PTGIS: variants seen among roughly 807,000 people sequenced by gnomAD.
PTGIS encodes the protein prostacyclin synthase.
Under a neutral mutation model 50.3 loss-of-function variants are expected in PTGIS, and 45 were observed. The observed-to-expected ratio is 0.90, with a 90% CI of 0.70 to 1.15. The LOEUF (loss-of-function observed/expected upper bound fraction) is 1.15. PTGIS is among the 50% of genes most tolerant of loss of function. The pLI, the probability that PTGIS is intolerant of heterozygous loss-of-function variation, is 0.00. For synonymous variants in PTGIS, 260 were observed against 267.7 expected (o/e 0.97, Z 0.28); for missense variants, 668 against 661.3 (o/e 1.01, Z -0.11).
Position 49,544,345 on chromosome 20 carries a change from C to T in PTGIS, c.481G>A (p.Glu161Lys), listed in dbSNP as rs767832954. 5.0e-6 allele frequency: 8 copies of T among 1,614,162 alleles called. No homozygotes were observed. The highest frequency in any genetic ancestry group is 3.3e-5 in the Admixed American group (2 of 60,012). Residue 161 changes from glutamate (E) to lysine (K), a missense_variant, in exon 4 of 10, where the codon GAG becomes AAG. Coordinates refer to ENST00000244043, the MANE Select transcript of PTGIS (RefSeq NM_000961.4). Reference sequence around the variant, plus strand: ...TAGGAGAAGTCGAGGAGACCCATCTCGTGCCAGCCACTGCCTGCTTCTGTA... The same window carrying T: ...TAGGAGAAGTCGAGGAGACCCATCTTGTGCCAGCCACTGCCTGCTTCTGTA... ...DATEAGSGWH[E>K]MGLLDFSYSF...
At chr20:49,521,851 C>T (rs1257845773) in intron 6 of PTGIS, among the ~76,000 whole-genome samples, 1 of 152,070 alleles carries the variant, frequency 6.6e-6, no homozygotes, top group Admixed American at 6.6e-5. Flanking sequence ...GGAAGGCTAC[C>T]ATCTTTCTCT....
rs766090255 is a variant in PTGIS at position 49,524,055 on chromosome 20, C to T, written c.855+3G>A. On this transcript the variant is annotated splice_donor_region_variant and intron_variant, in intron 6 of 9. Coordinates refer to ENST00000244043, the MANE Select transcript of PTGIS (RefSeq NM_000961.4). ...ACACACCCACTTGCACATTCACACC[C>T]ACCTGTGTGGCCCACAGCTGCAGCA... 8 of 1,614,240 alleles carry T rather than the reference C, an allele frequency of 5.0e-6. No individual in the cohort carries two copies. The highest frequency in any genetic ancestry group is 6.8e-6 in the Non-Finnish European group (8 of 1,180,052).
intron 4 of PTGIS, among the ~76,000 whole-genome samples, chr20:49,541,151 TCA>T (rs1982215639): frequency 6.6e-6 from 1 of 152,182 alleles, no homozygotes; most frequent in Admixed American, 6.5e-5. Flanking sequence ...TTGGGGAAAC[TCA>T]CACAAAATCC....
chr20:49,566,152 C>A (rs1436314411), intron 1 of PTGIS, among the ~76,000 whole-genome samples: 1 of 152,098 alleles, frequency 6.6e-6, no homozygotes, highest in African/African-American at 2.4e-5. Flanking sequence ...ATCACTTGAA[C>A]CCAGGAGGCA....
intron 6 of PTGIS, among the ~76,000 whole-genome samples, chr20:49,517,745 T>C (rs1210127437): frequency 6.6e-6 from 1 of 152,172 alleles, no homozygotes; most frequent in African/African-American, 2.4e-5. Flanking sequence ...CCTGACAACA[T>C]GGCCCATCAG....
chr20:49,536,478 C>CTTTTTTTTTT (rs761478359), intron 5 of PTGIS, among the ~76,000 whole-genome samples: 41 of 108,662 alleles, frequency 3.8e-4, no homozygotes, highest in African/African-American at 5.8e-4. Flanking sequence ...TTCTTTCTTT[C>CTTTTTTTTTT]TTTTTTTTTT....
At chr20:49,533,014 G>A (rs567489762) in intron 5 of PTGIS, among the ~76,000 whole-genome samples, 1 of 152,334 alleles carries the variant, frequency 6.6e-6, no homozygotes, top group South Asian at 2.1e-4. Context: ...GTGATTGGCA[G>A]CCCACCAATT....
chr20:49,556,630 A>G (rs1382793591), intron 1 of PTGIS, among the ~76,000 whole-genome samples: 2 of 152,222 alleles, frequency 1.3e-5, no homozygotes, highest in Admixed American at 1.3e-4. Context: ...CAAGCCAAGT[A>G]TAATATAACT....
In PTGIS at chr20:49,513,090, G is replaced by A; in HGVS notation, c.1196C>T (p.Thr399Ile). ...LSPQRDPEIY[T>I]DPEVFKYNRF... The stretch of plus-strand genomic sequence containing the variant: ...GCCCCTGCCATTTACCTCTGGGTCT[G>A]TGTAGATTTCTGGGTCTCTCTGGGG... The change falls in exon 8 of 10, where the codon ACA becomes ATA. Residue 399 changes from threonine (T) to isoleucine (I), a missense_variant. Coordinates refer to ENST00000244043, the MANE Select transcript of PTGIS (RefSeq NM_000961.4). 3 of 1,614,154 alleles carry A rather than the reference G, an allele frequency of 1.9e-6. No individual in the cohort carries two copies. Among genetic ancestry groups the A allele is most frequent in the Non-Finnish European group, 1.7e-6 (2 of 1,180,018 alleles).
chr20:49,514,053 G>C (rs1299402326), intron 7 of PTGIS, among the ~76,000 whole-genome samples, 174 bp downstream of exon 7: 1 of 152,218 alleles, frequency 6.6e-6, no homozygotes, highest in Non-Finnish European at 1.5e-5. Context: ...TTGACCCCTA[G>C]CTGAGGCTGG....
intron 5 of PTGIS, among the ~76,000 whole-genome samples, chr20:49,532,060 A>G (rs773460772): frequency 6.6e-6 from 1 of 152,240 alleles, no homozygotes; most frequent in African/African-American, 2.4e-5. Context: ...AATATAGGGT[A>G]GGGGAGACAC....
At chr20:49,548,096 G>A (rs2122887628) in intron 2 of PTGIS, 77 bp from the exon 3 acceptor site, 1 of 1,399,844 alleles carries the variant, frequency 7.1e-7, no homozygotes, top group Non-Finnish European at 1.0e-6. Flanking sequence ...GGGCCTTACT[G>A]TGTGCCAGGC....
At chr20:49,547,750 T>C in intron 3 of PTGIS, 91 bp downstream of exon 3, 1 of 1,436,628 alleles carries the variant, frequency 7.0e-7, no homozygotes, top group Middle Eastern at 1.9e-4. Context: ...TACCGAACAT[T>C]TGCTTTGGAA....
intron 7 of PTGIS, among the ~76,000 whole-genome samples, chr20:49,513,968 A>G (rs958656418): frequency 3.3e-5 from 5 of 152,198 alleles, no homozygotes; most frequent in African/African-American, 1.2e-4. Context: ...CCTGAAGCCA[A>G]TCCTCTGGGC....
At chr20:49,511,850 A>G (rs1981328920) in intron 8 of PTGIS, among the ~76,000 whole-genome samples, 1 of 152,034 alleles carries the variant, frequency 6.6e-6, no homozygotes, top group Admixed American at 6.6e-5. Context: ...AGGGATGGAT[A>G]GATGGATGGA....
At chr20:49,517,489 C>T (rs1044417289) in intron 6 of PTGIS, among the ~76,000 whole-genome samples, 16 of 151,874 alleles carry the variant, frequency 1.1e-4, no homozygotes, top group African/African-American at 3.6e-4. Flanking sequence ...CACACACAAC[C>T]ATAAGAGATC....
At chr20:49,564,449 C>A (rs1982846638) in intron 1 of PTGIS, among the ~76,000 whole-genome samples, 1 of 152,104 alleles carries the variant, frequency 6.6e-6, no homozygotes, top group African/African-American at 2.4e-5. Context: ...GACGGGGTTT[C>A]ATCGTGTTAG....
At chr20:49,520,762 G>A (rs1017259706) in intron 6 of PTGIS, among the ~76,000 whole-genome samples, 1 of 152,140 alleles carries the variant, frequency 6.6e-6, no homozygotes, top group African/African-American at 2.4e-5. Context: ...GACCTCCTAG[G>A]CTCAAGCAAT....
chr20:49,563,950 T>A (rs865797399), intron 1 of PTGIS, among the ~76,000 whole-genome samples: 3 of 152,172 alleles, frequency 2.0e-5, no homozygotes, highest in Admixed American at 6.5e-5. Context: ...ACCACCTCCA[T>A]GAGCCACCTC....
Sources: allele counts gnomAD v4.1 joint callset (sites outside exome capture counted in the v4.1 genomes callset), GRCh38; gene constraint gnomAD v4.1.1; transcripts MANE v1.5; gene names NCBI Gene and HGNC (gene_info 2026-07-23, HGNC 2026-07-21).